PRKX: variants seen among roughly 807,000 people sequenced by gnomAD.
PRKX encodes the protein cAMP-dependent protein kinase catalytic subunit PRKX.
PRKX carries 12 observed loss-of-function variants against 22.0 expected under a neutral mutation model. The ratio of observed to expected loss-of-function variants is 0.54; its 90% CI spans 0.35 to 0.88. The LOEUF (loss-of-function observed/expected upper bound fraction) is 0.88, where lower values mean the gene tolerates loss of function less well. PRKX is among the 40% of genes least tolerant of loss of function. The probability of loss-of-function intolerance (pLI) is 0.01; values close to 1 mark genes in which losing one functional copy is unlikely to be tolerated. For missense variants in PRKX, 217 were observed against 308.0 expected (o/e 0.70, Z 2.21); for synonymous variants, 134 against 137.7 (o/e 0.97, Z 0.19).
chrX:3,630,426 G>A (rs1315209734), intron 4 of PRKX, among the ~76,000 whole-genome samples: 37 of 111,351 alleles, frequency 3.3e-4, no homozygotes, highest in Non-Finnish European at 6.4e-4. Context: ...CAGGCGTGGT[G>A]GCGGGCGCCT....
At chrX:3,624,933 G>A (rs1042863969) in intron 5 of PRKX, among the ~76,000 whole-genome samples, 2 of 111,243 alleles carry the variant, frequency 1.8e-5, no homozygotes, top group East Asian at 2.8e-4. Flanking sequence ...GGCCAAACTC[G>A]ATCATAAAAG....
chrX:3,703,892 C>T (rs6567590), intron 1 of PRKX, among the ~76,000 whole-genome samples: 41,965 of 108,225 alleles, frequency 0.39, 6,079 homozygotes, highest in East Asian at 0.54. Context: ...AGGCTGGTTT[C>T]GAACTCCTGA....
At chrX:3,665,983 C>T (rs1927716693) in intron 2 of PRKX, among the ~76,000 whole-genome samples, 1 of 102,603 alleles carries the variant, frequency 9.7e-6, no homozygotes, top group Non-Finnish European at 2.0e-5. Context: ...TGCTCCATGC[C>T]ACTAAACAGT....
chrX:3,679,377 T>C (rs1427999379), intron 1 of PRKX, among the ~76,000 whole-genome samples: 1 of 112,858 alleles, frequency 8.9e-6, no homozygotes, highest in African/African-American at 3.2e-5. Context: ...GCATCCACTT[T>C]GCTGCAAAGG....
rs1926207309 is a variant in PRKX at position 3,607,691 on chromosome X, T to C, written c.*1278A>G. Reference sequence around the variant, plus strand: ...CACTGTTTTAACATCTTTTTTTTTATATAGAGATGGGGTCTCGCTATGCTG... The same window carrying C: ...CACTGTTTTAACATCTTTTTTTTTACATAGAGATGGGGTCTCGCTATGCTG... On this transcript the variant is annotated 3_prime_UTR_variant, in exon 9 of 9. Transcript: ENST00000262848. 1 of 109,904 alleles carries C rather than the reference T, an allele frequency of 9.1e-6. No homozygotes were observed. Among genetic ancestry groups the C allele is most frequent in the African/African-American group, 3.3e-5 (1 of 30,066 alleles). The allele number at this position is 109,904 out of a possible 1,213,427, so 9.1% of individuals were successfully genotyped here.
chrX:3,632,633 A>AT (rs1370591793), intron 4 of PRKX, among the ~76,000 whole-genome samples: 15 of 111,815 alleles, frequency 1.3e-4, no homozygotes, highest in African/African-American at 4.6e-4. Flanking sequence ...AAAGATAAAT[A>AT]ATAAGTGAGC....
chrX:3,647,199 A>T (rs900541946), intron 3 of PRKX, among the ~76,000 whole-genome samples: 1 of 108,477 alleles, frequency 9.2e-6, no homozygotes, highest in African/African-American at 3.3e-5. Context: ...ATAAATTTAA[A>T]TTTTAAAAAT....
intron 1 of PRKX, among the ~76,000 whole-genome samples, chrX:3,679,437 G>A (rs1368404449): frequency 7.1e-5 from 8 of 112,612 alleles, no homozygotes; most frequent in African/African-American, 2.3e-4. Flanking sequence ...TAAAGTCAAA[G>A]CTTTAAGGGG....
intron 3 of PRKX, 142 bp downstream of exon 3, chrX:3,655,007 C>T (rs1214035900): frequency 2.3e-6 from 2 of 885,703 alleles, no homozygotes; most frequent in African/African-American, 4.0e-5. Context: ...ACCTGGCTCT[C>T]TCATCCCTGG....
chrX:3,611,914 G>A (rs928594530), intron 8 of PRKX, among the ~76,000 whole-genome samples: 4 of 111,352 alleles, frequency 3.6e-5, no homozygotes, highest in Non-Finnish European at 7.5e-5. Context: ...ACCACCTAGC[G>A]GTCTTATTTA....
In PRKX at chrX:3,700,813, T is replaced by C. The variant is rs765149662; in HGVS notation, c.166+12275A>G. Among the ~76,000 whole-genome samples the C allele has an allele frequency of 6.3e-4, 70 of 110,806 alleles. No individual in the cohort carries two copies. The Admixed American group carries it at 6.5e-3, about 10-fold the overall frequency. ...TCACCATGTTGCCGAGGCTAGAGGC[T>C]AGTCTCGAACCCCTGGCCTCAAGCG... On this transcript the variant is annotated intron_variant, in intron 1 of 8. Coordinates refer to ENST00000262848, the MANE Select transcript of PRKX (RefSeq NM_005044.5).
intron 7 of PRKX, among the ~76,000 whole-genome samples, chrX:3,613,155 A>AAAAAAAAAAAAAAG (rs1926338765): frequency 8.4e-5 from 1 of 11,885 alleles, no homozygotes; most frequent in Non-Finnish European, 1.5e-4. Context: ...CGTCTCAAAA[A>AAAAAAAAAAAAAAG]AAAAAAAAAA....
intron 4 of PRKX, among the ~76,000 whole-genome samples, chrX:3,638,815 G>T (rs767656786): frequency 9.2e-6 from 1 of 108,520 alleles, no homozygotes; most frequent in African/African-American, 3.4e-5. Flanking sequence ...TGGATAGGTA[G>T]GGAGGTAAAC....
intron 1 of PRKX, among the ~76,000 whole-genome samples, chrX:3,706,781 C>G (rs1172142311): frequency 8.9e-6 from 1 of 111,930 alleles, no homozygotes; most frequent in Non-Finnish European, 1.9e-5. Flanking sequence ...GTGCTGCAGG[C>G]GAAACCCATT....
chrX:3,705,709 CAG>C (rs1172122836), intron 1 of PRKX, among the ~76,000 whole-genome samples: 1 of 101,282 alleles, frequency 9.9e-6, no homozygotes, highest in African/African-American at 3.9e-5. Context: ...TTTTTTGAGA[CAG>C]AGTCTTGCTC....
intron 4 of PRKX, among the ~76,000 whole-genome samples, chrX:3,630,554 T>C (rs377033999): frequency 1.8e-3 from 206 of 111,770 alleles, no homozygotes; most frequent in African/African-American, 6.4e-3. Context: ...AGCAAGACTC[T>C]GTCTCAAAAA....
At chrX:3,631,133 A>T (rs776792722) in intron 4 of PRKX, among the ~76,000 whole-genome samples, 24 of 112,372 alleles carry the variant, frequency 2.1e-4, no homozygotes, top group Non-Finnish European at 3.8e-4. Context: ...GAGCAAAAAT[A>T]ATTCTCCTGT....
intron 5 of PRKX, among the ~76,000 whole-genome samples, 185 bp downstream of exon 5, chrX:3,626,234 C>G (rs1031692048): frequency 4.4e-5 from 5 of 112,379 alleles, no homozygotes; most frequent in African/African-American, 1.6e-4. Context: ...AAATGTGAAG[C>G]TATCATTAAA....
Position 3,604,767 on chromosome X carries a change from T to TTCAAG in PRKX, c.*4197_*4201dup, listed in dbSNP as rs1174236857. 2.7e-5 allele frequency: 3 copies of TTCAAG among 111,832 alleles called. No individual in the cohort carries two copies. Among genetic ancestry groups the TTCAAG allele is most frequent in the Non-Finnish European group, 5.6e-5 (3 of 53,184 alleles). 9.2% of individuals were successfully genotyped at this position (111,832 alleles called of 1,213,427 possible). ...CAGAGCACAAGGACTGTGGAAAGGC[T>TTCAAG]TCAAGTCTCATCTGCTAAAACACAA... On this transcript the variant is annotated 3_prime_UTR_variant, in exon 9 of 9. Coordinates refer to ENST00000262848, the MANE Select transcript of PRKX (RefSeq NM_005044.5).
Sources: gnomAD v4.1 joint callset for allele counts (sites outside exome capture counted in the v4.1 genomes callset) on GRCh38, gnomAD v4.1.1 for gene constraint, MANE v1.5 for transcripts, NCBI Gene and HGNC (gene_info 2026-07-23, HGNC 2026-07-21) for gene names.